Variants in PDZRN3 observed in about 807,000 individuals in gnomAD.
PDZRN3 encodes PDZ domain containing ring finger 3, also known as E3 ubiquitin-protein ligase PDZRN3.
PDZRN3 carries 38 observed loss-of-function variants against 85.7 expected under a neutral mutation model. That is an observed-to-expected ratio of 0.44 (90% CI 0.34 to 0.58). The LOEUF (loss-of-function observed/expected upper bound fraction) is 0.58, where lower values mean the gene tolerates loss of function less well. Among genes scored for constraint, PDZRN3 ranks in the 20% least tolerant of loss-of-function variants. The pLI is 0.01. For synonymous variants in PDZRN3, 759 were observed against 638.0 expected (o/e 1.19, Z -2.86); for missense variants, 1,629 against 1,506.4 (o/e 1.08, Z -1.35).
chr3:73,452,860 TG>T (rs1461932373), intron 3 of PDZRN3, among the ~76,000 whole-genome samples: 25 of 151,904 alleles, frequency 1.6e-4, no homozygotes, highest in Middle Eastern at 6.8e-3. Context: ...TGTGTGTGTG[TG>T]TGTGTGTGTG....
chr3:73,561,914 T>A (rs1362062237), intron 3 of PDZRN3, among the ~76,000 whole-genome samples: 2 of 128,676 alleles, frequency 1.6e-5, no homozygotes, highest in Non-Finnish European at 3.2e-5. Flanking sequence ...ACCCAAGTCA[T>A]TTTTTTTTTT....
chr3:73,467,092 C>T (rs535321655), intron 3 of PDZRN3, among the ~76,000 whole-genome samples: 204 of 152,200 alleles, frequency 1.3e-3, no homozygotes, highest in African/African-American at 4.7e-3. Flanking sequence ...TCCATCTGAC[C>T]CCAGCTGCAG....
intron 3 of PDZRN3, among the ~76,000 whole-genome samples, chr3:73,456,679 G>A (rs558466665): frequency 3.3e-5 from 5 of 152,218 alleles, no homozygotes; most frequent in African/African-American, 1.2e-4. Context: ...TAGGAATTAA[G>A]ATAAAAGGCA....
chr3:73,398,213 G>T (rs913719547), intron 5 of PDZRN3, among the ~76,000 whole-genome samples: 6 of 152,278 alleles, frequency 3.9e-5, no homozygotes, highest in East Asian at 3.9e-4. Context: ...GCCTACGAGG[G>T]GCTCAGTCGT....
intron 3 of PDZRN3, among the ~76,000 whole-genome samples, chr3:73,406,150 G>A (rs960082981): frequency 3.3e-5 from 5 of 152,188 alleles, no homozygotes; most frequent in African/African-American, 1.2e-4. Flanking sequence ...ATAAGGAACT[G>A]TCTGAACCAC....
chr3:73,400,949 C>A lies in PDZRN3; in HGVS notation c.1227G>T (p.Glu409Asp). The A allele has an allele frequency of 6.2e-7, 1 of 1,613,604 alleles. No homozygotes were observed. The highest frequency in any genetic ancestry group is 8.5e-7 in the Non-Finnish European group (1 of 1,179,476). ...PNDYIGDIHQ[E>D]MDREELELEE... ...CCAGCTCCAGCTCCTCCCTGTCCATCTCCTGATGGATGTCTCCAATGTAGT... is the reference window on the plus strand; with the variant it reads ...CCAGCTCCAGCTCCTCCCTGTCCATATCCTGATGGATGTCTCCAATGTAGT... The change falls in exon 5 of 10, where the codon GAG (glutamate) becomes GAT (aspartate). Residue 409 changes from glutamate (E) to aspartate (D), a missense_variant. Physicochemically the swap from Glu to Asp is conservative, Grantham distance 45. Transcript: ENST00000263666.
intron 3 of PDZRN3, among the ~76,000 whole-genome samples, chr3:73,443,646 T>G (rs546512826): frequency 4.6e-4 from 70 of 151,948 alleles, no homozygotes; most frequent in Non-Finnish European, 7.2e-4. Context: ...CCACTATGCC[T>G]GGCTATTTTT....
At chr3:73,504,758 G>A (rs1461433360) in intron 3 of PDZRN3, among the ~76,000 whole-genome samples, 1 of 152,136 alleles carries the variant, frequency 6.6e-6, no homozygotes. Context: ...TTTTATTAAG[G>A]AGGTCTTATA....
At chr3:73,624,041 G>T in intron 1 of PDZRN3, 62 bp downstream of exon 1, 1 of 1,374,080 alleles carries the variant, frequency 7.3e-7, no homozygotes, top group East Asian at 3.1e-5. Context: ...CAAAGGGATG[G>T]GGCGGGGCCC....
chr3:73,456,580 T>C (rs1258617131), intron 3 of PDZRN3, among the ~76,000 whole-genome samples: 1 of 152,226 alleles, frequency 6.6e-6, no homozygotes, highest in African/African-American at 2.4e-5. Flanking sequence ...CCAGATGATG[T>C]TCACAGTTTT....
intron 1 of PDZRN3, among the ~76,000 whole-genome samples, chr3:73,609,678 A>G (rs1193177315): frequency 2.6e-5 from 4 of 152,246 alleles, no homozygotes; most frequent in Non-Finnish European, 5.9e-5. Context: ...TAAAATATTT[A>G]ATAAGCTGTT....
chr3:73,528,399 C>G (rs531977966), intron 3 of PDZRN3, among the ~76,000 whole-genome samples: 15 of 152,212 alleles, frequency 9.9e-5, no homozygotes, highest in African/African-American at 3.6e-4. Flanking sequence ...AAAGATTAGA[C>G]AAATCACGCA....
At chr3:73,621,754 T>G in intron 1 of PDZRN3, 1 of 152,248 alleles carries the variant, frequency 6.6e-6, no homozygotes. Context: ...TGGTAAAAGT[T>G]CCAAGCAGGG....
chr3:73,530,804 G>A (rs1248187619), intron 3 of PDZRN3, among the ~76,000 whole-genome samples: 1 of 152,092 alleles, frequency 6.6e-6, no homozygotes, highest in Non-Finnish European at 1.5e-5. Flanking sequence ...TCATTAATTC[G>A]TTCAATGGAC....
At chr3:73,490,578 A>G (rs1437723073) in intron 3 of PDZRN3, among the ~76,000 whole-genome samples, 2 of 152,138 alleles carry the variant, frequency 1.3e-5, no homozygotes, top group Non-Finnish European at 2.9e-5. Flanking sequence ...TTCTTCACCC[A>G]TTCTCCACCT....
At chr3:73,514,097 CAA>C (rs1355904948) in intron 3 of PDZRN3, among the ~76,000 whole-genome samples, 1 of 152,112 alleles carries the variant, frequency 6.6e-6, no homozygotes, top group East Asian at 1.9e-4. Flanking sequence ...ATAAGCAAGA[CAA>C]ACAAAGGATA....
intron 3 of PDZRN3, among the ~76,000 whole-genome samples, chr3:73,500,901 T>C (rs1397525311): frequency 6.6e-6 from 1 of 152,186 alleles, no homozygotes; most frequent in African/African-American, 2.4e-5. Flanking sequence ...CTTCTGCTCA[T>C]GTTGAGCTAT....
At chr3:73,557,655 GCCATTC>G (rs1701730378) in intron 3 of PDZRN3, among the ~76,000 whole-genome samples, 2 of 151,818 alleles carry the variant, frequency 1.3e-5, no homozygotes, top group African/African-American at 4.8e-5. Context: ...CTGCCATTCT[GCCATTC>G]TGCCATTCAC....
At chr3:73,556,087 T>C (rs998177327) in intron 3 of PDZRN3, among the ~76,000 whole-genome samples, 1 of 152,200 alleles carries the variant, frequency 6.6e-6, no homozygotes, top group African/African-American at 2.4e-5. Flanking sequence ...TCCTCTTAAC[T>C]TTCAATATCT....
Sources: gnomAD v4.1 joint callset for allele counts (sites outside exome capture counted in the v4.1 genomes callset) on GRCh38, gnomAD v4.1.1 for gene constraint, MANE v1.5 for transcripts, NCBI Gene and HGNC (gene_info 2026-07-23, HGNC 2026-07-21) for gene names.